PELP1: variants seen among roughly 807,000 people sequenced by gnomAD.
PELP1 encodes the protein proline-, glutamic acid- and leucine-rich protein 1.
In PELP1, 32 loss-of-function variants were observed where a neutral mutation model predicts 95.5. The ratio of observed to expected loss-of-function variants is 0.34; its 90% CI spans 0.25 to 0.45. The LOEUF is 0.45. Ranked by LOEUF, PELP1 falls within the 20% of genes least tolerant of loss-of-function variation. The pLI is 1.00. For synonymous variants in PELP1, 668 were observed against 600.1 expected, an observed-to-expected ratio of 1.11 and a Z score of -1.65; for missense variants, 1,358 against 1,444.8, an observed-to-expected ratio of 0.94 and a Z score of 0.97.
Position 4,672,800 on chromosome 17 carries a change from G to A in PELP1, c.2191C>T (p.Arg731Trp), listed in dbSNP as rs781554929. Residue 731 changes from arginine to tryptophan, a missense_variant, in exon 16 of 17, where the codon CGG becomes TGG. Arg to Trp is a moderately radical substitution (Grantham distance 101). Transcript: ENST00000572293. ...ATGGGGTCCTCATTTGAGCCTGCCC[G>A]GTGGTTCTCAGGGCCAGGAAGAAGC... ...PRLLPGPENH[R>W]AGSNEDPILA... The A allele has an allele frequency of 1.2e-5, 20 of 1,613,602 alleles. 1 individual carries two copies. Among genetic ancestry groups the A allele is most frequent in the South Asian group, 8.8e-5 (8 of 91,054 alleles).
Position 4,676,031 on chromosome 17 carries a change from C to G in PELP1, c.980+5G>C. ...GCCTCCGCTCCCTCCAATACCCACA[C>G]ACACCTGAGCATGAGCCCTAGGCAG... On this transcript the variant is annotated splice_donor_5th_base_variant and intron_variant, in intron 8 of 16. Coordinates refer to ENST00000572293, the MANE Select transcript of PELP1 (RefSeq NM_014389.3). The G allele has an allele frequency of 6.2e-7, 1 of 1,613,748 alleles. No homozygotes were observed. The highest frequency in any genetic ancestry group is 8.5e-7 in the Non-Finnish European group (1 of 1,179,760).
At chr17:4,676,220 T>C in intron 7 of PELP1, 58 bp from the exon 8 acceptor site, 1 of 1,600,436 alleles carries the variant, frequency 6.2e-7, no homozygotes, top group Non-Finnish European at 8.5e-7. Context: ...CCTCTGTCAT[T>C]TCTGGTGGAC....
intron 1 of PELP1, among the ~76,000 whole-genome samples, chr17:4,698,363 T>C (rs1046365457): frequency 3.3e-5 from 5 of 151,406 alleles, no homozygotes; most frequent in African/African-American, 1.2e-4. Flanking sequence ...AAAAGCAAGC[T>C]GGGCGCGGTG....
At position 4,672,507 on chromosome 17, in the gene PELP1, C is replaced by T. The variant is rs777202768; in HGVS notation, c.2484G>A (p.Glu828=). ...CTGGGGCTGCAGGAAGTTCTTCAGGCTCCTCCTTCGCTGGCACAGGAGGGG... is the reference window on the plus strand; with the variant it reads ...CTGGGGCTGCAGGAAGTTCTTCAGGTTCCTCCTTCGCTGGCACAGGAGGGG... The part of the protein sequence containing the change: ...TASPPVPAKE[E]PEELPAAPGP... Residue 828 remains glutamate, a synonymous_variant, in exon 16 of 17, where the codon GAG becomes GAA. Transcript: ENST00000572293. 2 of 1,580,654 alleles carry T rather than the reference C, an allele frequency of 1.3e-6. No homozygotes were observed. Among genetic ancestry groups the T allele is most frequent in the Non-Finnish European group, 1.7e-6 (2 of 1,164,928 alleles).
intron 16 of PELP1, 64 bp from the exon 17 acceptor site, chr17:4,671,595 G>A (rs1426535771): frequency 1.4e-5 from 22 of 1,607,350 alleles, no homozygotes; most frequent in Non-Finnish European, 1.8e-5. Flanking sequence ...GAATGGTTCA[G>A]GCTGGGCAAA....
rs79841479 is a variant in PELP1 at position 4,684,228 on chromosome 17, C to T, written c.421-1276G>A. ...AAGCAAAAACAGGCAGGCCTACCAA[C>T]GACACAGGCCCTCATCCCTGTCCAG... On this transcript the variant is annotated intron_variant, in intron 3 of 16. Transcript: ENST00000572293. 2.1e-3 allele frequency among the ~76,000 whole-genome samples: 313 copies of T among 152,250 alleles called. 4 individuals are homozygous for T. In the East Asian group the frequency reaches 0.05, roughly 24 times the overall value.
chr17:4,679,343 C>CA (rs1321022715), intron 5 of PELP1, among the ~76,000 whole-genome samples: 1 of 152,110 alleles, frequency 6.6e-6, no homozygotes, highest in Non-Finnish European at 1.5e-5. Flanking sequence ...AAAGGGTACT[C>CA]AAAATGCAGG....
chr17:4,675,350 C>A lies in PELP1; in HGVS notation c.1081G>T (p.Asp361Tyr), dbSNP rs548052628. Reference sequence around the variant, plus strand: ...AGCAGCAGCAGCCGCAGGGGACCATCTCCATGCAAGCTCTGGAGAAAAAAG... The same window carrying A: ...AGCAGCAGCAGCCGCAGGGGACCATATCCATGCAAGCTCTGGAGAAAAAAG... ...VSSKNISLHG[D>Y]GPLRLLLLPS... The change falls in exon 10 of 17, where the codon GAT becomes TAT. Residue 361 changes from aspartate (D) to tyrosine (Y), a missense_variant. Physicochemically the swap from Asp to Tyr is radical, Grantham distance 160 (BLOSUM62 -3). This residue lies in a region of PELP1 where 538 missense variants were observed against 628.1 expected (regional missense o/e 0.86). Transcript: ENST00000572293. This position sits in a 1 kb window ranked among gnomAD's most constrained non-coding sequence, Gnocchi z 4.3. 1 of 1,545,922 alleles carries A rather than the reference C, an allele frequency of 6.5e-7. No homozygotes were observed. The highest frequency in any genetic ancestry group is 8.8e-7 in the Non-Finnish European group (1 of 1,141,102).
rs965229823 is a variant in PELP1 at position 4,670,244 on chromosome 17, T to C, written c.*1195A>G. On this transcript the variant is annotated 3_prime_UTR_variant, in exon 17 of 17. Coordinates refer to ENST00000572293, the MANE Select transcript of PELP1 (RefSeq NM_014389.3). ...TCTTCAGGATACATGTTGGGAGAAA[T>C]GACTCCCTCTTCTGCATTGCGAAGG... 3 of 152,146 alleles carry C rather than the reference T, an allele frequency of 2.0e-5. No homozygotes were observed. The highest frequency in any genetic ancestry group is 7.2e-5 in the African/African-American group (3 of 41,418). The allele number at this position is 152,146 out of a possible 1,614,324, so 9.4% of individuals were successfully genotyped here. A position where few individuals can be genotyped will look rare whatever the true frequency, so the allele number is the denominator to read the frequency against.
At chr17:4,688,647 G>GA (rs202241407) in intron 3 of PELP1, among the ~76,000 whole-genome samples, 1,804 of 152,290 alleles carry the variant, frequency 0.012, 13 homozygotes, top group Non-Finnish European at 0.019. Context: ...CCAAGGAGGT[G>GA]AAAGACCTCT....
chr17:4,674,897 G>A lies in PELP1; in HGVS notation c.1334C>T (p.Ser445Leu), dbSNP rs765738529. ...GGCTCCTCCCTGAAGCATTCCCGCC[G>A]AGGCCCCACAAACCTGCACCCACAG... ...LELWVQVCGA[S>L]AGMLQGGASG... The change falls in exon 12 of 17, where the codon TCG (serine) becomes TTG (leucine). Residue 445 changes from serine to leucine, a missense_variant. Physicochemically the swap from Ser to Leu is moderately radical, Grantham distance 145 (BLOSUM62 -2). Coordinates refer to ENST00000572293, the MANE Select transcript of PELP1 (RefSeq NM_014389.3). 2.0e-5 allele frequency: 33 copies of A among 1,613,564 alleles called. No individual in the cohort carries two copies. The highest frequency in any genetic ancestry group is 3.3e-5 in the Admixed American group (2 of 59,982).
intron 3 of PELP1, chr17:4,683,221 CTTT>C (rs34420450): frequency 0.8 from 188,374 of 236,424 alleles, 71,328 homozygotes; most frequent in Admixed American, 0.93. Context: ...GAAGAGTTTT[CTTT>C]TTTTTTTTTT....
chr17:4,698,470 T>TAA (rs57709047), intron 1 of PELP1, among the ~76,000 whole-genome samples: 221 of 140,474 alleles, frequency 1.6e-3, no homozygotes, highest in African/African-American at 3.7e-3. Context: ...CCATCGCTAC[T>TAA]AAAAAAAAAA....
chr17:4,671,994 G>T lies in PELP1; in HGVS notation c.2997C>A (p.Pro999=). ...PESPPKVQPE[P]EPEPGLLLEV... ...CCAAAAGCAGCCCGGGTTCAGGTTC[G>T]GGTTCTGGCTGCACCTTTGGGGGAG... The change falls in exon 16 of 17, where the codon CCC becomes CCA. Residue 999 remains proline (P), a synonymous_variant. Transcript: ENST00000572293. The T allele has an allele frequency of 6.4e-7, 1 of 1,550,602 alleles. No individual in the cohort carries two copies. Among genetic ancestry groups the T allele is most frequent in the Non-Finnish European group, 8.7e-7 (1 of 1,152,426 alleles).
intron 3 of PELP1, among the ~76,000 whole-genome samples, chr17:4,685,403 G>A (rs4239051): frequency 0.98 from 148,814 of 152,192 alleles, 72,836 homozygotes; most frequent in Middle Eastern, 1. Flanking sequence ...TAAGTGTGGT[G>A]TGCTTTAAAA....
intron 1 of PELP1, among the ~76,000 whole-genome samples, chr17:4,693,752 C>G (rs1027363025): frequency 2.6e-5 from 4 of 152,184 alleles, no homozygotes; most frequent in Non-Finnish European, 4.4e-5. Flanking sequence ...TCACGCTGCT[C>G]AGAATGGCAC....
rs1912339144 is a variant in PELP1 at position 4,673,791 on chromosome 17, C to T, written c.1583-117G>A. Reference sequence around the variant, plus strand: ...CTGCCACTGCCTATCTTGGCCAAGTCATTTAACTTCTCAACTAGAAAATGG... The same window carrying T: ...CTGCCACTGCCTATCTTGGCCAAGTTATTTAACTTCTCAACTAGAAAATGG... On this transcript the variant is annotated intron_variant, in intron 13 of 16. Transcript: ENST00000572293. The surrounding 1 kb of genome is among the most constrained non-coding windows in gnomAD (Gnocchi z 5.7). 1.2e-6 allele frequency: 1 copy of T among 814,452 alleles called. No individual in the cohort carries two copies. The highest frequency in any genetic ancestry group is 1.8e-5 in the Admixed American group (1 of 54,760). The allele number at this position is 814,452 out of a possible 1,614,324, so 50.5% of individuals were successfully genotyped here. A position where few individuals can be genotyped will look rare whatever the true frequency, so the allele number is the denominator to read the frequency against.
At chr17:4,682,134 T>G (rs546776113) in intron 5 of PELP1, among the ~76,000 whole-genome samples, 2 of 152,134 alleles carry the variant, frequency 1.3e-5, no homozygotes, top group Non-Finnish European at 2.9e-5. Context: ...CACCCCAGCC[T>G]GGACAACAGA....
At chr17:4,695,314 TC>T (rs1183917537) in intron 1 of PELP1, among the ~76,000 whole-genome samples, 1 of 96,574 alleles carries the variant, frequency 1.0e-5, no homozygotes, top group African/African-American at 3.9e-5. Flanking sequence ...AGAGTGAGAC[TC>T]CGTCTGGAAA....
Sources: gnomAD v4.1 joint callset for allele counts (sites outside exome capture counted in the v4.1 genomes callset) on GRCh38, gnomAD v4.1.1 for gene constraint, gnomAD v4.1.1 regional missense constraint, Gnocchi (gnomAD v3.1) non-coding constraint, MANE v1.5 for transcripts, NCBI Gene and HGNC (gene_info 2026-07-23, HGNC 2026-07-21) for gene names.